Variants in SORCS3 observed in about 807,000 individuals in gnomAD.
SORCS3 encodes the protein VPS10 domain-containing receptor SorCS3.
In SORCS3, 57 loss-of-function variants were observed where a neutral mutation model predicts 146.3. The observed-to-expected ratio is 0.39, with a 90% CI of 0.31 to 0.49. SORCS3 has a LOEUF of 0.49. SORCS3 is among the 20% of genes least tolerant of loss of function. The pLI, the probability that SORCS3 is intolerant of heterozygous loss-of-function variation, is 0.92. For missense variants in SORCS3, 1,341 were observed against 1,575.5 expected, an observed-to-expected ratio of 0.85 and a Z score of 2.52; for synonymous variants, 653 against 618.5, an observed-to-expected ratio of 1.06 and a Z score of -0.83.
intron 20 of SORCS3, among the ~76,000 whole-genome samples, chr10:105,227,186 T>C (rs2056738335): frequency 6.6e-6 from 1 of 152,026 alleles, no homozygotes; most frequent in Admixed American, 6.6e-5. Flanking sequence ...TAGGTAATTA[T>C]TGCTATAAGC....
intron 3 of SORCS3, among the ~76,000 whole-genome samples, chr10:104,976,191 A>G (rs557399211): frequency 7.4e-4 from 113 of 152,350 alleles, no homozygotes; most frequent in African/African-American, 2.6e-3. Context: ...CAGAATCTAC[A>G]ATGAACTCAA....
In SORCS3 at chr10:105,242,361, T is replaced by C. The variant is rs1170484402; in HGVS notation, c.2869-3181T>C. The stretch of plus-strand genomic sequence containing the variant: ...ATATATATATTTATACATATATTTA[T>C]ATATATTTATACATATATTTATATA... On this transcript the variant is annotated intron_variant, in intron 20 of 26. Coordinates refer to ENST00000369701, the MANE Select transcript of SORCS3 (RefSeq NM_014978.3). Among the ~76,000 whole-genome samples, 6 of 123,388 alleles carry C rather than the reference T, an allele frequency of 4.9e-5. 2 individuals are homozygous for C. Among genetic ancestry groups the C allele is most frequent in the Non-Finnish European group, 9.5e-5 (6 of 63,020 alleles). 80.9% of individuals were successfully genotyped at this position (123,388 alleles called of 152,430 possible).
chr10:105,179,201 C>A (rs755220596), intron 14 of SORCS3, among the ~76,000 whole-genome samples: 2 of 152,144 alleles, frequency 1.3e-5, no homozygotes, highest in Non-Finnish European at 2.9e-5. Flanking sequence ...TTCTTTTGGG[C>A]ATTACTTTGA....
At chr10:105,034,668 A>T (rs771432605) in intron 4 of SORCS3, among the ~76,000 whole-genome samples, 3 of 152,188 alleles carry the variant, frequency 2.0e-5, no homozygotes, top group Non-Finnish European at 4.4e-5. Context: ...AGAAGGTTTG[A>T]TCATCCAAAG....
chr10:104,926,999 C>T (rs917428896), intron 3 of SORCS3, among the ~76,000 whole-genome samples: 11 of 152,026 alleles, frequency 7.2e-5, no homozygotes, highest in Non-Finnish European at 1.3e-4. Context: ...ATTATCCAGA[C>T]ATTTTAGAGG....
rs36137443 is a variant in SORCS3 at position 104,671,276 on chromosome 10, GT to G, written c.627+29331del. ...TGATTGAGTATGATGTTAACTGTGT[GT>G]TTTTTTTTATATGGCTCCTATTATG... On this transcript the variant is annotated intron_variant, in intron 1 of 26. Coordinates refer to ENST00000369701, the MANE Select transcript of SORCS3 (RefSeq NM_014978.3). Among the ~76,000 whole-genome samples, 446 of 89,734 alleles carry G rather than the reference GT, an allele frequency of 5.0e-3. 4 individuals carry two copies. The highest frequency in any genetic ancestry group is 0.015 in the African/African-American group (396 of 26,112). 58.9% of individuals were successfully genotyped at this position (89,734 alleles called of 152,430 possible). A position where few individuals can be genotyped will look rare whatever the true frequency, so the allele number is the denominator to read the frequency against.
chr10:104,834,906 G>A (rs74155050), intron 1 of SORCS3, among the ~76,000 whole-genome samples: 2,028 of 151,868 alleles, frequency 0.013, 46 homozygotes, highest in African/African-American at 0.046. Flanking sequence ...GCTTGCTATG[G>A]GCAAGATGAG....
At chr10:104,934,694 G>A (rs2019242160) in intron 3 of SORCS3, among the ~76,000 whole-genome samples, 1 of 152,154 alleles carries the variant, frequency 6.6e-6, no homozygotes. Context: ...AGGTAGACCA[G>A]CCTGCCTCCT....
intron 1 of SORCS3, among the ~76,000 whole-genome samples, chr10:104,775,009 A>G (rs1300246942): frequency 6.6e-6 from 1 of 152,214 alleles, no homozygotes; most frequent in Non-Finnish European, 1.5e-5. Context: ...GAATAATTTT[A>G]CCAAGCATCT....
Position 105,201,052 on chromosome 10 carries a change from T to A in SORCS3, c.2128-68T>A, listed in dbSNP as rs2056571535. 4.5e-6 allele frequency: 7 copies of A among 1,564,136 alleles called. No individual in the cohort carries two copies. In the East Asian group the frequency reaches 1.6e-4, roughly 35 times the overall value. ...AGAATGAACAGGCTAATGCTTCTTG[T>A]TGACAACTGGTTTATTTCACCACCT... On this transcript the variant is annotated intron_variant, in intron 15 of 26. Transcript: ENST00000369701.
intron 20 of SORCS3, among the ~76,000 whole-genome samples, chr10:105,233,563 C>G (rs535207427): frequency 6.6e-6 from 1 of 152,152 alleles, no homozygotes; most frequent in Non-Finnish European, 1.5e-5. Flanking sequence ...CTTAGCCCCC[C>G]ACCCCTCCTT....
rs147014668 is a variant in SORCS3 at position 104,860,660 on chromosome 10, G to A, written c.695+17801G>A. Among the ~76,000 whole-genome samples the A allele has an allele frequency of 3.3e-3, 508 of 152,148 alleles. 2 individuals carry two copies. The highest frequency in any genetic ancestry group is 0.018 in the South Asian group (87 of 4,792). On this transcript the variant is annotated intron_variant, in intron 2 of 26. Transcript: ENST00000369701. ...TTACACTTACCAAGTACCATGTGCCGGACAATGATCGAAGTGCTTTACATA... is the reference window on the plus strand; with the variant it reads ...TTACACTTACCAAGTACCATGTGCCAGACAATGATCGAAGTGCTTTACATA...
chr10:105,026,254 C>T (rs1356990712), intron 4 of SORCS3, among the ~76,000 whole-genome samples: 2 of 152,164 alleles, frequency 1.3e-5, no homozygotes, highest in African/African-American at 2.4e-5. Context: ...ACACACTAGT[C>T]CAAGCCACCA....
At chr10:105,258,608 T>C (rs2056943944) in intron 25 of SORCS3, among the ~76,000 whole-genome samples, 1 of 152,146 alleles carries the variant, frequency 6.6e-6, no homozygotes, top group South Asian at 2.1e-4. Context: ...AAGGATCACT[T>C]ATACTGTGAC....
intron 1 of SORCS3, among the ~76,000 whole-genome samples, chr10:104,775,938 A>G (rs1873304): frequency 0.73 from 110,597 of 152,084 alleles, 40,400 homozygotes; most frequent in East Asian, 0.92. Flanking sequence ...CCTCCTGCCC[A>G]TATTTCTTTC....
intron 15 of SORCS3, among the ~76,000 whole-genome samples, chr10:105,200,811 G>T (rs1176348153): frequency 6.6e-6 from 1 of 152,176 alleles, no homozygotes; most frequent in East Asian, 1.9e-4. Context: ...AAATGTACCT[G>T]GTGGTCTGCA....
chr10:105,149,757 T>C (rs2056155545), intron 9 of SORCS3, among the ~76,000 whole-genome samples: 1 of 152,092 alleles, frequency 6.6e-6, no homozygotes, highest in African/African-American at 2.4e-5. Context: ...GTGGGTGAGT[T>C]TGCCACTATG....
intron 5 of SORCS3, among the ~76,000 whole-genome samples, chr10:105,067,940 G>T (rs190533769): frequency 6.6e-6 from 1 of 151,778 alleles, no homozygotes; most frequent in Non-Finnish European, 1.5e-5. Context: ...TCTCTTCATT[G>T]TTTCATTTGC....
chr10:105,201,272 C>A lies in SORCS3; in HGVS notation c.2261+19C>A. The A allele has an allele frequency of 6.3e-7, 1 of 1,597,300 alleles. No individual in the cohort carries two copies. The highest frequency in any genetic ancestry group is 8.5e-7 in the Non-Finnish European group (1 of 1,173,282). ...TCGAGTGGTGAGTTGTTTGGCATTT[C>A]ATTACCAATTCCAACCAGGTCTTCA... On this transcript the variant is annotated intron_variant, in intron 16 of 26. Coordinates refer to ENST00000369701, the MANE Select transcript of SORCS3 (RefSeq NM_014978.3).
Sources: allele counts gnomAD v4.1 joint callset (sites outside exome capture counted in the v4.1 genomes callset), GRCh38; gene constraint gnomAD v4.1.1; transcripts MANE v1.5; gene names NCBI Gene and HGNC (gene_info 2026-07-23, HGNC 2026-07-21).